The following HYOU1 variants were observed in gnomAD, a reference collection of about 807,000 sequenced individuals.
HYOU1 encodes hypoxia up-regulated protein 1.
In HYOU1, 40 loss-of-function variants were observed where a neutral mutation model predicts 120.5. The observed-to-expected ratio is 0.33, with a 90% confidence interval of 0.26 to 0.43. HYOU1 has a LOEUF of 0.43. Ranked by LOEUF, HYOU1 falls within the 20% of genes least tolerant of loss-of-function variation. The pLI is 1.00. For missense variants in HYOU1, 1,085 were observed against 1,278.3 expected (o/e 0.85, Z 2.31); for synonymous variants, 501 against 479.4 (o/e 1.05, Z -0.59).
chr11:119,054,945 G>T, intron 6 of HYOU1, 39 bp downstream of exon 6: 2 of 1,587,560 alleles, frequency 1.3e-6, no homozygotes, highest in Non-Finnish European at 1.7e-6. Context: ...CCTAGATCCT[G>T]GGGAGCCTGG....
Position 119,051,406 on chromosome 11 carries a change from T to C in HYOU1, c.1526+32A>G. ...TCCAGCAGCCACGCCTCCCCCTCCC[T>C]GGAGCTCCCATCCTACACCCCTGCC... is the stretch of plus-strand genomic sequence containing the variant. On this transcript the variant is annotated intron_variant, in intron 13 of 25. Transcript: ENST00000617285. This position sits in a 1 kb window ranked among gnomAD's most constrained non-coding sequence, Gnocchi z 4.2. 6.2e-7 allele frequency: 1 copy of C among 1,607,946 alleles called. No homozygotes were observed. The highest frequency in any genetic ancestry group is 8.5e-7 in the Non-Finnish European group (1 of 1,175,530).
chr11:119,047,023 C>T (rs1244550853), intron 22 of HYOU1: 1 of 569,212 alleles, frequency 1.8e-6, no homozygotes, highest in Non-Finnish European at 3.1e-6. Flanking sequence ...TCCTACTACT[C>T]TGGAGTGACT....
chr11:119,048,653 T>C lies in HYOU1; in HGVS notation c.2165+61A>G. On this transcript the variant is annotated intron_variant, in intron 18 of 25. Transcript: ENST00000617285. The surrounding 1 kb of genome is among the most constrained non-coding windows in gnomAD (Gnocchi z 4.7). ...GACAGCCCTCCCTCCCAGGGCGCCA[T>C]CCCACATCCTGCCCACCTTGCACAC... is the stretch of plus-strand genomic sequence containing the variant. The C allele has an allele frequency of 1.2e-6, 2 of 1,606,694 alleles. No individual in the cohort carries two copies. The highest frequency in any genetic ancestry group is 2.2e-5 in the South Asian group (2 of 90,238).
In HYOU1 at chr11:119,048,894, G is replaced by A; in HGVS notation, c.1993-8C>T. The stretch of plus-strand genomic sequence containing the variant: ...TGCCTTCTCACTTGGTTTCTGGGTG[G>A]GAAGAGTCAGGGGTGTCAGGAAAAG... On this transcript the variant is annotated splice_region_variant and splice_polypyrimidine_tract_variant and intron_variant, in intron 17 of 25. Transcript: ENST00000617285. This position sits in a 1 kb window ranked among gnomAD's most constrained non-coding sequence, Gnocchi z 4.7. 2 of 1,604,570 alleles carry A rather than the reference G, an allele frequency of 1.2e-6. No individual in the cohort carries two copies. Among genetic ancestry groups the A allele is most frequent in the Non-Finnish European group, 1.7e-6 (2 of 1,175,828 alleles).
At chr11:119,049,510 AT>A (rs1944291027) in intron 16 of HYOU1, 45 bp downstream of exon 16, 2 of 1,601,336 alleles carry the variant, frequency 1.2e-6, no homozygotes, top group East Asian at 4.5e-5. Context: ...TACTACCTGC[AT>A]CCCCCACCGT....
Position 119,049,005 on chromosome 11 carries a change from T to C in HYOU1, c.1992+13A>G. Reference sequence around the variant, plus strand: ...CTCTGGATCCACACTGGCCTTCCTCTGCCACAGCTCACCTGGGCCTCAGAC... The same window carrying C: ...CTCTGGATCCACACTGGCCTTCCTCCGCCACAGCTCACCTGGGCCTCAGAC... On this transcript the variant is annotated intron_variant, in intron 17 of 25. Transcript: ENST00000617285. 1 of 1,613,900 alleles carries C rather than the reference T, an allele frequency of 6.2e-7. No homozygotes were observed. The highest frequency in any genetic ancestry group is 8.5e-7 in the Non-Finnish European group (1 of 1,179,772).
In HYOU1 at chr11:119,052,025, A is replaced by G. The variant is rs1944473337; in HGVS notation, c.1205+65T>C. ...GGGACTTCCCTCCCCTCAGCCCTCC[A>G]GCTGCTCAGCCCAAAGCCCTGCCCC... On this transcript the variant is annotated intron_variant, in intron 11 of 25. Coordinates refer to ENST00000617285, the MANE Select transcript of HYOU1 (RefSeq NM_006389.5). The surrounding 1 kb of genome is among the most constrained non-coding windows in gnomAD (Gnocchi z 5.0). 1 of 1,613,466 alleles carries G rather than the reference A, an allele frequency of 6.2e-7. No individual in the cohort carries two copies. The highest frequency in any genetic ancestry group is 1.7e-5 in the Admixed American group (1 of 59,984).
Position 119,052,472 on chromosome 11 carries a change from C to T in HYOU1, c.988-43G>A, listed in dbSNP as rs2133593242. On this transcript the variant is annotated intron_variant, in intron 9 of 25. Coordinates refer to ENST00000617285, the MANE Select transcript of HYOU1 (RefSeq NM_006389.5). This position sits in a 1 kb window ranked among gnomAD's most constrained non-coding sequence, Gnocchi z 5.0. ...CTGTCAGGGGGTTCTTGCCCAGCTC[C>T]CGCTCTCTTGGTGAGTAGGACAGAA... 18 of 1,613,524 alleles carry T rather than the reference C, an allele frequency of 1.1e-5. No homozygotes were observed. In the Admixed American group the frequency reaches 1.5e-4, roughly 13 times the overall value.
Position 119,048,474 on chromosome 11 carries a change from A to G in HYOU1, c.2253+2T>C. 6.2e-7 allele frequency: 1 copy of G among 1,613,830 alleles called. No individual in the cohort carries two copies. The highest frequency in any genetic ancestry group is 8.5e-7 in the Non-Finnish European group (1 of 1,179,944). On this transcript the variant is annotated splice_donor_variant, in intron 19 of 25. Transcript: ENST00000617285. LOFTEE classifies it high-confidence loss of function. This position sits in a 1 kb window ranked among gnomAD's most constrained non-coding sequence, Gnocchi z 4.7. ...GGGGGCTGCTGCCTCCTGCCCACTG[A>G]CCTGGGTCTCAAATATGAATGCTTC...
chr11:119,045,606 T>C lies in HYOU1; in HGVS notation c.2987A>G (p.Asn996Ser). Residue 996 changes from asparagine (N) to serine (S), a missense_variant, in exon 26 of 26, where the codon AAC becomes AGC. By Grantham distance (46) the Asn-to-Ser change is conservative. Around this residue, in one of 4 missense-constraint regions of HYOU1, gnomAD observed 516 missense variants for 517.1 expected, o/e 1.00. Coordinates refer to ENST00000617285, the MANE Select transcript of HYOU1 (RefSeq NM_006389.5). ...CAGAGGTGGGGGTTATAGTTCGTCG[T>C]TCTTCAAAGGCCGCTTCTGTCCTGT... ...QSTGQKRPLK[N>S]DEL is the part of the protein sequence containing the mutation. 6.2e-7 allele frequency: 1 copy of C among 1,614,202 alleles called. No individual in the cohort carries two copies. The highest frequency in any genetic ancestry group is 8.5e-7 in the Non-Finnish European group (1 of 1,180,022).
chr11:119,054,215 C>T lies in HYOU1; in HGVS notation c.700G>A (p.Gly234Ser). 6.2e-7 allele frequency: 1 copy of T among 1,613,734 alleles called. No homozygotes were observed. The highest frequency in any genetic ancestry group is 8.5e-7 in the Non-Finnish European group (1 of 1,179,632). Residue 234 changes from glycine to serine, a missense_variant, in exon 8 of 26, where the codon GGC becomes AGC. By Grantham distance (56) the Gly-to-Ser change is moderately conservative. This residue lies in a region of HYOU1 where 515 missense variants were observed against 677.8 expected (regional missense o/e 0.76). Transcript: ENST00000617285. ...TAQNIMFYDM[G>S]SGSTVCTIVT... is the part of the protein sequence containing the mutation. ...ATGGTGCATACGGTGCTGCCTGAGC[C>T]CATGTCATAGAACATGATATTCTGT...
At chr11:119,049,516 C>T in intron 16 of HYOU1, 40 bp downstream of exon 16, 2 of 1,605,504 alleles carry the variant, frequency 1.2e-6, no homozygotes, top group Non-Finnish European at 1.7e-6. Context: ...CTGCATCCCC[C>T]ACCGTCCTCC....
Position 119,045,452 on chromosome 11 carries a change from T to C in HYOU1, c.*141A>G. 7 of 804,904 alleles carry C rather than the reference T, an allele frequency of 8.7e-6. No homozygotes were observed. The highest frequency in any genetic ancestry group is 1.5e-5 in the Non-Finnish European group (7 of 457,208). 49.9% of individuals were successfully genotyped at this position (804,904 alleles called of 1,614,324 possible). The stretch of plus-strand genomic sequence containing the variant: ...CAGTGAGCTGTCCCTCCCTTCCCCT[T>C]CTCCACACCTCCAAATCACAGGGGT... On this transcript the variant is annotated 3_prime_UTR_variant, in exon 26 of 26. Transcript: ENST00000617285.
At chr11:119,046,849 A>T in intron 22 of HYOU1, 47 bp from the exon 23 acceptor site, 1 of 1,585,418 alleles carries the variant, frequency 6.3e-7, no homozygotes, top group Non-Finnish European at 8.5e-7. Context: ...TGGAGAGAGC[A>T]GACATCTCTG....
intron 22 of HYOU1, chr11:119,047,072 T>C (rs974130029): frequency 2.8e-6 from 1 of 362,014 alleles, no homozygotes. Context: ...TTTTTTTTTT[T>C]TGAGACGGAG....
chr11:119,048,305 C>T lies in HYOU1; in HGVS notation c.2319G>A (p.Gly773=), dbSNP rs2133562589. 1.3e-5 allele frequency: 21 copies of T among 1,611,298 alleles called. No homozygotes were observed. The South Asian group carries it at 2.2e-4, about 17-fold the overall frequency. Reference sequence around the variant, plus strand: ...GCCAGGTGGATGCGGCGCTGAGCTTCCCAGAGATCTCCTCACGCTGCTCCT... The same window carrying T: ...GCCAGGTGGATGCGGCGCTGAGCTTTCCAGAGATCTCCTCACGCTGCTCCT... ...STEEQREEIS[G]KLSAASTWLE... is the part of the protein sequence containing the mutation. Residue 773 remains glycine, a synonymous_variant, in exon 20 of 26, where the codon GGG becomes GGA. Transcript: ENST00000617285. The surrounding 1 kb of genome is among the most constrained non-coding windows in gnomAD (Gnocchi z 4.7).
At chr11:119,050,967 C>T (rs997620081) in intron 14 of HYOU1, 68 bp downstream of exon 14, 27 of 1,580,214 alleles carry the variant, frequency 1.7e-5, no homozygotes, top group Non-Finnish European at 2.2e-5. Flanking sequence ...CCATGTGGAA[C>T]CCACTTTGGA....
At chr11:119,053,976 G>A in intron 8 of HYOU1, 145 bp downstream of exon 8, 1 of 600,454 alleles carries the variant, frequency 1.7e-6, no homozygotes. Flanking sequence ...TACTCTTTGT[G>A]AGTGGTCCCC....
intron 14 of HYOU1, 55 bp downstream of exon 14, chr11:119,050,980 T>C: frequency 1.9e-6 from 3 of 1,596,066 alleles, no homozygotes; most frequent in Non-Finnish European, 2.6e-6. Flanking sequence ...ACTTTGGAAA[T>C]GGCTGGCAGG....
Sources: allele counts gnomAD v4.1 joint callset, GRCh38; gene constraint gnomAD v4.1.1; regional missense constraint gnomAD v4.1.1; non-coding constraint Gnocchi (gnomAD v3.1); transcripts MANE v1.5; gene names NCBI Gene and HGNC (gene_info 2026-07-23, HGNC 2026-07-21).